Variants in GALNT1 observed in about 807,000 individuals in gnomAD.
The protein encoded by GALNT1 is GalNAc transferase 1.
In GALNT1, 17 loss-of-function variants were observed where a neutral mutation model predicts 65.7. That is an observed-to-expected ratio of 0.26 (90% CI 0.18 to 0.39). The LOEUF (loss-of-function observed/expected upper bound fraction) is 0.39. Ranked by LOEUF, GALNT1 falls within the 10% of genes least tolerant of loss-of-function variation. The pLI, the probability that GALNT1 is intolerant of heterozygous loss-of-function variation, is 1.00. For synonymous variants in GALNT1, 210 were observed against 219.7 expected, an observed-to-expected ratio of 0.96 and a Z score of 0.39; for missense variants, 460 against 672.8, an observed-to-expected ratio of 0.68 and a Z score of 3.50.
intron 1 of GALNT1, among the ~76,000 whole-genome samples, chr18:35,583,798 C>G (rs1410241867): frequency 1.3e-5 from 2 of 152,120 alleles, no homozygotes; most frequent in Non-Finnish European, 2.9e-5. Context: ...GGACCAGAGT[C>G]AAAATGAAGA....
intron 1 of GALNT1, among the ~76,000 whole-genome samples, chr18:35,593,557 C>T (rs77052910): frequency 0.034 from 5,118 of 150,242 alleles, 269 homozygotes; most frequent in African/African-American, 0.12. Flanking sequence ...TGAGGGGTGA[C>T]GGGGGACAAG....
At chr18:35,625,754 A>G (rs938595361) in intron 1 of GALNT1, among the ~76,000 whole-genome samples, 1 of 152,184 alleles carries the variant, frequency 6.6e-6, no homozygotes, top group African/African-American at 2.4e-5. Context: ...CTCCCCTGGT[A>G]GGCGGTGTAT....
At chr18:35,703,428 T>G in intron 10 of GALNT1, 81 bp from the exon 11 acceptor site, 2 of 1,303,420 alleles carry the variant, frequency 1.5e-6, no homozygotes, top group Non-Finnish European at 1.1e-6. Flanking sequence ...AATACTTGTA[T>G]TTTCCCTGAC....
chr18:35,620,579 GTGTT>G (rs1433435694), intron 1 of GALNT1, among the ~76,000 whole-genome samples: 1 of 152,128 alleles, frequency 6.6e-6, no homozygotes, highest in Non-Finnish European at 1.5e-5. Flanking sequence ...ATTCTCTACA[GTGTT>G]TGTGTCCATA....
intron 5 of GALNT1, among the ~76,000 whole-genome samples, chr18:35,684,759 T>C (rs2047841581): frequency 6.6e-6 from 1 of 152,208 alleles, no homozygotes; most frequent in Non-Finnish European, 1.5e-5. Context: ...TGAGAGCAAA[T>C]GTGCAGTCCA....
intron 9 of GALNT1, among the ~76,000 whole-genome samples, chr18:35,694,009 A>G (rs1308973752): frequency 6.6e-6 from 1 of 152,162 alleles, no homozygotes; most frequent in Non-Finnish European, 1.5e-5. Context: ...GACTAAGGGA[A>G]AGACGTGTTT....
In GALNT1 at chr18:35,677,653, A is replaced by G. The variant is rs769146513; in HGVS notation, c.377A>G (p.Asn126Ser). 2.5e-6 allele frequency: 4 copies of G among 1,613,186 alleles called. No individual in the cohort carries two copies. The highest frequency in any genetic ancestry group is 2.2e-5 in the South Asian group (2 of 91,006). Residue 126 changes from asparagine to serine, a missense_variant, in exon 4 of 12, where the codon AAT (asparagine) becomes AGT (serine). Asn to Ser is a conservative substitution (Grantham distance 46). Coordinates refer to ENST00000269195, the MANE Select transcript of GALNT1 (RefSeq NM_020474.4). Reference sequence around the variant, plus strand: ...ACAAGTGTGGTGATTGTTTTCCACAATGAGGCTTGGAGCACACTTCTGCGA... The same window carrying G: ...ACAAGTGTGGTGATTGTTTTCCACAGTGAGGCTTGGAGCACACTTCTGCGA... ...PTTSVVIVFHNEAWSTLLRTV... is the reference protein window; with the variant it reads ...PTTSVVIVFHSEAWSTLLRTV...
At chr18:35,697,915 G>C (rs1264409925) in intron 9 of GALNT1, among the ~76,000 whole-genome samples, 3 of 152,208 alleles carry the variant, frequency 2.0e-5, no homozygotes, top group Non-Finnish European at 2.9e-5. Flanking sequence ...CTATGAAGAG[G>C]ACCATTAACC....
At chr18:35,688,489 A>C (rs1486406741) in intron 6 of GALNT1, among the ~76,000 whole-genome samples, 1 of 152,086 alleles carries the variant, frequency 6.6e-6, no homozygotes. Flanking sequence ...ATTTCTTAAT[A>C]ATTTCTCTGC....
At chr18:35,693,230 G>A (rs12963790) in intron 9 of GALNT1, among the ~76,000 whole-genome samples, 33,588 of 152,084 alleles carry the variant, frequency 0.22, 4,085 homozygotes, top group African/African-American at 0.32. Context: ...GGTCATACGA[G>A]TTTTTAGGGA....
intron 1 of GALNT1, among the ~76,000 whole-genome samples, chr18:35,604,226 A>G (rs2046617587): frequency 6.6e-6 from 1 of 152,040 alleles, no homozygotes; most frequent in Non-Finnish European, 1.5e-5. Context: ...ATTTGCATTC[A>G]TGTTGTTGCA....
intron 5 of GALNT1, among the ~76,000 whole-genome samples, chr18:35,685,277 G>T (rs1352504198): frequency 6.6e-6 from 1 of 152,038 alleles, no homozygotes; most frequent in Non-Finnish European, 1.5e-5. Flanking sequence ...TGACTGCTTG[G>T]TTTAGCGTAA....
intron 1 of GALNT1, among the ~76,000 whole-genome samples, chr18:35,621,526 C>T (rs1459123203): frequency 7.9e-6 from 1 of 127,364 alleles, no homozygotes; most frequent in East Asian, 2.2e-4. Context: ...GTTTTTAATA[C>T]ATTCTGATAC....
At chr18:35,671,822 G>T (rs962938681) in intron 3 of GALNT1, among the ~76,000 whole-genome samples, 3 of 151,698 alleles carry the variant, frequency 2.0e-5, no homozygotes, top group Non-Finnish European at 4.4e-5. Flanking sequence ...TACATGTTCA[G>T]TGCACATAGT....
At chr18:35,662,819 T>C (rs2047496122) in intron 2 of GALNT1, among the ~76,000 whole-genome samples, 1 of 152,196 alleles carries the variant, frequency 6.6e-6, no homozygotes, top group African/African-American at 2.4e-5. Context: ...GGACATTTAT[T>C]AACGTCTCAA....
intron 1 of GALNT1, among the ~76,000 whole-genome samples, chr18:35,647,217 A>G (rs2047242355): frequency 6.6e-6 from 1 of 152,218 alleles, no homozygotes; most frequent in African/African-American, 2.4e-5. Context: ...CCTTTTTGAC[A>G]AAGTCAAATC....
intron 1 of GALNT1, among the ~76,000 whole-genome samples, chr18:35,630,933 CAAAT>C (rs1390559007): frequency 6.6e-6 from 1 of 152,180 alleles, no homozygotes; most frequent in Non-Finnish European, 1.5e-5. Flanking sequence ...CACCTCTACA[CAAAT>C]AAACTAGAAA....
At position 35,711,371 on chromosome 18, in the gene GALNT1, G is replaced by C. The variant is rs1194593504; in HGVS notation, c.*1601G>C. The C allele has an allele frequency of 6.6e-6, 1 of 152,586 alleles. No individual in the cohort carries two copies. The highest frequency in any genetic ancestry group is 1.5e-5 in the Non-Finnish European group (1 of 68,026). The allele number at this position is 152,586 out of a possible 1,614,324, so 9.5% of individuals were successfully genotyped here. ...TGTTTCCAAAAGTCGCATCGCTAAT[G>C]ATATTTGCCAAGTTGAGTGTACACA... is the stretch of plus-strand genomic sequence containing the variant. On this transcript the variant is annotated 3_prime_UTR_variant, in exon 12 of 12. Transcript: ENST00000269195.
intron 8 of GALNT1, among the ~76,000 whole-genome samples, 169 bp from the exon 9 acceptor site, chr18:35,692,012 T>C (rs2047971776): frequency 6.6e-6 from 1 of 152,232 alleles, no homozygotes; most frequent in South Asian, 2.1e-4. Flanking sequence ...TTTAATGTAT[T>C]TTCCTTGCTT....
Sources: allele counts gnomAD v4.1 joint callset (sites outside exome capture counted in the v4.1 genomes callset), GRCh38; gene constraint gnomAD v4.1.1; transcripts MANE v1.5; gene names NCBI Gene and HGNC (gene_info 2026-07-23, HGNC 2026-07-21).